ATP7A: variants seen among roughly 807,000 people sequenced by gnomAD.
ATP7A encodes the protein copper-transporting ATPase 1.
ATP7A carries 7 observed loss-of-function variants against 83.5 expected under a neutral mutation model. The ratio of observed to expected loss-of-function variants is 0.08; its 90% CI spans 0.05 to 0.16. The LOEUF is 0.16. Ranked by LOEUF, ATP7A falls within the 10% of genes least tolerant of loss-of-function variation. The pLI is 1.00. For missense variants in ATP7A, 940 were observed against 1,120.8 expected (o/e 0.84, Z 2.30); for synonymous variants, 354 against 395.2 (o/e 0.90, Z 1.24).
intron 4 of ATP7A, among the ~76,000 whole-genome samples, chrX:77,997,565 T>G (rs113180803): frequency 0.28 from 30,331 of 109,878 alleles, 3,137 homozygotes; most frequent in South Asian, 0.35. Context: ...AGTGGAAATT[T>G]GCTCTTTTCT....
At chrX:78,038,561 A>G (rs1430513546) in intron 17 of ATP7A, among the ~76,000 whole-genome samples, 1 of 111,829 alleles carries the variant, frequency 8.9e-6, no homozygotes, top group Non-Finnish European at 1.9e-5. Flanking sequence ...CAAGAAAGTA[A>G]TATTTGAACT....
intron 2 of ATP7A, 137 bp downstream of exon 2, chrX:77,971,898 A>T (rs975075130): frequency 2.0e-5 from 15 of 745,121 alleles, no homozygotes; most frequent in Non-Finnish European, 2.8e-5. Context: ...TCTTGAAGCT[A>T]AATAAGTTTT....
At chrX:77,928,618 G>A (rs1039156027) in intron 1 of ATP7A, among the ~76,000 whole-genome samples, 2 of 111,452 alleles carry the variant, frequency 1.8e-5, no homozygotes, top group African/African-American at 6.5e-5. Flanking sequence ...TTCCCCACAC[G>A]AAACAGTGTT....
intron 1 of ATP7A, among the ~76,000 whole-genome samples, chrX:77,929,881 A>G (rs1557223991): frequency 8.9e-6 from 1 of 111,862 alleles, no homozygotes. Flanking sequence ...AAAGTAGTAT[A>G]TTGAGGTTAA....
chrX:77,962,243 T>A (rs1296779722), intron 1 of ATP7A, among the ~76,000 whole-genome samples: 1 of 111,718 alleles, frequency 9.0e-6, no homozygotes, highest in Non-Finnish European at 1.9e-5. Flanking sequence ...ATAAGGCTGA[T>A]TCACACTTCA....
At chrX:77,970,425 C>G (rs1446445420) in intron 1 of ATP7A, among the ~76,000 whole-genome samples, 2 of 111,806 alleles carry the variant, frequency 1.8e-5, no homozygotes, top group African/African-American at 6.5e-5. Flanking sequence ...AATCCCAGCA[C>G]TTTGGGAGGG....
intron 10 of ATP7A, among the ~76,000 whole-genome samples, chrX:78,014,086 T>TATACCTA (rs1436617091): frequency 9.0e-6 from 1 of 111,315 alleles, no homozygotes; most frequent in Non-Finnish European, 1.9e-5. Context: ...CTTCATAAAT[T>TATACCTA]ATACCTAATA....
At chrX:78,008,952 G>T in intron 6 of ATP7A, 150 bp from the exon 7 acceptor site, 1 of 558,022 alleles carries the variant, frequency 1.8e-6, no homozygotes. Context: ...GAAGGCGGAG[G>T]TTGCAGTGAG....
chrX:77,989,894 A>G lies in ATP7A; in HGVS notation c.1272A>G (p.Leu424=). Residue 424 remains leucine (L), a synonymous_variant, in exon 4 of 23, where the codon CTA becomes CTG. Coordinates refer to ENST00000341514, the MANE Select transcript of ATP7A (RefSeq NM_000052.7). Reference sequence around the variant, plus strand: ...ATGGGACTGTTGAGTATGATCCTCTACTAACCTCTCCAGAAACGTTGAGAG... The same window carrying G: ...ATGGGACTGTTGAGTATGATCCTCTGCTAACCTCTCCAGAAACGTTGAGAG... ...NSNGTVEYDP[L]LTSPETLRGA... 8.3e-7 allele frequency: 1 copy of G among 1,210,676 alleles called. No homozygotes were observed. The highest frequency in any genetic ancestry group is 1.8e-5 in the South Asian group (1 of 56,795).
intron 1 of ATP7A, among the ~76,000 whole-genome samples, chrX:77,932,350 G>A (rs1261979742): frequency 9.2e-6 from 1 of 108,303 alleles, no homozygotes; most frequent in Non-Finnish European, 1.9e-5. Context: ...ATGGGATGGC[G>A]GCCGGGAAGA....
At chrX:77,988,202 G>A in intron 2 of ATP7A, 40 bp from the exon 3 acceptor site, 1 of 1,171,810 alleles carries the variant, frequency 8.5e-7, no homozygotes, top group Non-Finnish European at 1.1e-6. Context: ...CTGTGTGATA[G>A]AATTTAATTA....
At chrX:77,932,834 C>G (rs1457175333) in intron 1 of ATP7A, among the ~76,000 whole-genome samples, 1 of 111,561 alleles carries the variant, frequency 9.0e-6, no homozygotes, top group Non-Finnish European at 1.9e-5. Flanking sequence ...AGGGAGGTTG[C>G]AGTGAGCCGA....
At chrX:77,918,803 G>T (rs1476199393) in intron 1 of ATP7A, among the ~76,000 whole-genome samples, 2 of 111,186 alleles carry the variant, frequency 1.8e-5, no homozygotes, top group African/African-American at 6.5e-5. Context: ...TACACAATGT[G>T]GCAGCCCTGG....
At chrX:77,913,084 A>G (rs1000100513) in intron 1 of ATP7A, among the ~76,000 whole-genome samples, 1 of 112,314 alleles carries the variant, frequency 8.9e-6, no homozygotes, top group Non-Finnish European at 1.9e-5. Flanking sequence ...TGAGGGCGCT[A>G]AAGGAAATAC....
chrX:77,948,304 A>G (rs1311982077), intron 1 of ATP7A, among the ~76,000 whole-genome samples: 2 of 107,540 alleles, frequency 1.9e-5, no homozygotes, highest in African/African-American at 6.8e-5. Flanking sequence ...ATGTTTTTGT[A>G]TTTTTAGTAG....
intron 1 of ATP7A, among the ~76,000 whole-genome samples, chrX:77,933,855 A>G (rs909736211): frequency 9.0e-6 from 1 of 111,590 alleles, no homozygotes; most frequent in Non-Finnish European, 1.9e-5. Context: ...GTAAATTTTA[A>G]TCAATTAAAA....
Position 77,955,847 on chromosome X carries a change from A to ATTT in ATP7A, c.-21-15760_-21-15758dup, listed in dbSNP as rs200845953. 8.9e-5 allele frequency among the ~76,000 whole-genome samples: 8 copies of ATTT among 89,683 alleles called. No individual in the cohort carries two copies. The East Asian group carries it at 2.8e-3, about 31-fold the overall frequency. The allele number at this position is 89,683 out of a possible 115,157, so 77.9% of individuals were successfully genotyped here. ...ACTGTTCTACTCTATGACATCAACC[A>ATTT]TTTTTTTTTTTTTTTTGAAATTCCA... On this transcript the variant is annotated intron_variant, in intron 1 of 22. Coordinates refer to ENST00000341514, the MANE Select transcript of ATP7A (RefSeq NM_000052.7).
At chrX:77,913,355 T>C (rs1424212565) in intron 1 of ATP7A, among the ~76,000 whole-genome samples, 2 of 111,445 alleles carry the variant, frequency 1.8e-5, no homozygotes, top group Non-Finnish European at 3.8e-5. Flanking sequence ...TTTTAGCGTT[T>C]TGTTTTTAGA....
chrX:77,977,182 G>C (rs1406069377), intron 2 of ATP7A, among the ~76,000 whole-genome samples: 3 of 112,295 alleles, frequency 2.7e-5, no homozygotes, highest in African/African-American at 6.5e-5. Context: ...CAATGCTAAT[G>C]CTTTAAAAAT....
Sources: allele counts gnomAD v4.1 joint callset (sites outside exome capture counted in the v4.1 genomes callset), GRCh38; gene constraint gnomAD v4.1.1; transcripts MANE v1.5; gene names NCBI Gene and HGNC (gene_info 2026-07-23, HGNC 2026-07-21).